The following CD274 variants were observed in gnomAD, a reference collection of about 807,000 sequenced individuals.
CD274 encodes the protein CD274 molecule.
A neutral mutation model predicts 30.1 loss-of-function variants in CD274; 8 were observed. That is an observed-to-expected ratio of 0.27 (90% CI 0.16 to 0.48). The LOEUF is 0.48. Among genes scored for constraint, CD274 ranks in the 20% least tolerant of loss-of-function variants. The pLI, the probability that CD274 is intolerant of heterozygous loss-of-function variation, is 0.99. For synonymous variants in CD274, 152 were observed against 124.6 expected, an observed-to-expected ratio of 1.22 and a Z score of -1.46; for missense variants, 353 against 346.6, an observed-to-expected ratio of 1.02 and a Z score of -0.15.
intron 3 of CD274, among the ~76,000 whole-genome samples, chr9:5,459,238 A>G (rs1268304566): frequency 6.6e-6 from 1 of 152,212 alleles, no homozygotes; most frequent in Admixed American, 6.5e-5. Flanking sequence ...TTTGTTTGAC[A>G]ATTCCATTTT....
chr9:5,468,567 C>T lies in CD274; in HGVS notation c.*705C>T. 1 of 233,002 alleles carries T rather than the reference C, an allele frequency of 4.3e-6. No individual in the cohort carries two copies. The highest frequency in any genetic ancestry group is 6.0e-5 in the East Asian group (1 of 16,558). 14.4% of individuals were successfully genotyped at this position (233,002 alleles called of 1,614,324 possible). A position where few individuals can be genotyped will look rare whatever the true frequency, so the allele number is the denominator to read the frequency against. ...CATAGGATGTCACCTTTATTTAACCCATTAATACTCTGGTTGACCTAATCT... is the reference window on the plus strand; with the variant it reads ...CATAGGATGTCACCTTTATTTAACCTATTAATACTCTGGTTGACCTAATCT... On this transcript the variant is annotated 3_prime_UTR_variant, in exon 7 of 7. Coordinates refer to ENST00000381577, the MANE Select transcript of CD274 (RefSeq NM_014143.4).
At chr9:5,457,570 T>G (rs989841193) in intron 3 of CD274, 150 bp downstream of exon 3, 19 of 674,556 alleles carry the variant, frequency 2.8e-5, no homozygotes, top group Non-Finnish European at 3.0e-5. Context: ...TTCATTCACA[T>G]AATTATCCAA....
chr9:5,466,879 G>A (rs2131233291), intron 6 of CD274, 50 bp downstream of exon 6: 1 of 1,352,948 alleles, frequency 7.4e-7, no homozygotes, highest in Non-Finnish European at 1.0e-6. Flanking sequence ...GAAACAAAAA[G>A]CTAAAGCAAT....
At chr9:5,455,024 A>G (rs1041123415) in intron 1 of CD274, among the ~76,000 whole-genome samples, 3 of 152,094 alleles carry the variant, frequency 2.0e-5, no homozygotes, top group African/African-American at 7.2e-5. Flanking sequence ...GTTAGGAGCT[A>G]TTTATATATT....
At chr9:5,462,550 G>A (rs1268036304) in intron 3 of CD274, among the ~76,000 whole-genome samples, 1 of 152,136 alleles carries the variant, frequency 6.6e-6, no homozygotes, top group Non-Finnish European at 1.5e-5. Context: ...GAAGTCTGGG[G>A]TTTTAGTGTA....
At chr9:5,452,322 A>T (rs1330288874) in intron 1 of CD274, among the ~76,000 whole-genome samples, 1 of 152,092 alleles carries the variant, frequency 6.6e-6, no homozygotes, top group Admixed American at 6.6e-5. Flanking sequence ...TGGCTGCTTA[A>T]CTTTTTCTCT....
At position 5,467,971 on chromosome 9, in the gene CD274, C is replaced by T. The variant is rs1819525387; in HGVS notation, c.*109C>T. On this transcript the variant is annotated 3_prime_UTR_variant, in exon 7 of 7. Coordinates refer to ENST00000381577, the MANE Select transcript of CD274 (RefSeq NM_014143.4). ...AAGGAATGGGCCCGTGGGATGCAGG[C>T]AATGTGGGACTTAAAAGGCCCAAGC... 1.1e-6 allele frequency: 1 copy of T among 913,242 alleles called. No individual in the cohort carries two copies. The highest frequency in any genetic ancestry group is 1.8e-6 in the Non-Finnish European group (1 of 553,702). The allele number at this position is 913,242 out of a possible 1,614,324, so 56.6% of individuals were successfully genotyped here.
intron 5 of CD274, chr9:5,465,824 G>A (rs984735829): frequency 2.7e-6 from 1 of 367,614 alleles, no homozygotes; most frequent in African/African-American, 2.1e-5. Flanking sequence ...GGTAGAAGAT[G>A]CAGTGTCATA....
chr9:5,465,005 T>G (rs1267762248), intron 4 of CD274, among the ~76,000 whole-genome samples: 1 of 150,892 alleles, frequency 6.6e-6, no homozygotes, highest in African/African-American at 2.4e-5. Flanking sequence ...AAGAATTGCT[T>G]GAACCTGGGA....
In CD274 at chr9:5,465,540, G is replaced by A. The variant is rs1373165399; in HGVS notation, c.724G>A (p.Val242Ile). 3 of 1,612,146 alleles carry A rather than the reference G, an allele frequency of 1.9e-6. No individual in the cohort carries two copies. Among genetic ancestry groups the A allele is most frequent in the African/African-American group, 2.7e-5 (2 of 74,862 alleles). The change falls in exon 5 of 7, where the codon GTA becomes ATA. Residue 242 changes from valine to isoleucine, a missense_variant. Val to Ile is a conservative substitution (Grantham distance 29). Transcript: ENST00000381577. ...TCCTCCAAATGAAAGGACTCACTTGGTAATTCTGGGAGCCATCTTATTATG... is the reference window on the plus strand; with the variant it reads ...TCCTCCAAATGAAAGGACTCACTTGATAATTCTGGGAGCCATCTTATTATG... Reference protein sequence around the residue: ...AHPPNERTHLVILGAILLCLG... With the variant: ...AHPPNERTHLIILGAILLCLG...
rs2131235939 is a variant in CD274, at chr9:5,467,929, C to T, written c.*67C>T. 7.3e-7 allele frequency: 1 copy of T among 1,372,298 alleles called. No homozygotes were observed. The highest frequency in any genetic ancestry group is 1.0e-6 in the Non-Finnish European group (1 of 959,822). 85.0% of individuals were successfully genotyped at this position (1,372,298 alleles called of 1,614,324 possible). ...CCTGTGGTTTAGGGGTTCATCGGGG[C>T]TGAGCGTGACAAGAGGAAGGAATGG... On this transcript the variant is annotated 3_prime_UTR_variant, in exon 7 of 7. Coordinates refer to ENST00000381577, the MANE Select transcript of CD274 (RefSeq NM_014143.4).
chr9:5,466,884 A>C, intron 6 of CD274, 55 bp downstream of exon 6: 1 of 1,310,598 alleles, frequency 7.6e-7, no homozygotes. Context: ...AAAAAGCTAA[A>C]GCAATAACAA....
chr9:5,453,142 A>G (rs898177827), intron 1 of CD274, among the ~76,000 whole-genome samples: 1 of 152,116 alleles, frequency 6.6e-6, no homozygotes, highest in South Asian at 2.1e-4. Flanking sequence ...TGCCATCGCT[A>G]TTCCACATCT....
chr9:5,469,288 A>G lies in CD274; in HGVS notation c.*1426A>G, dbSNP rs1471755885. ...ATTGTTTAACAGTTCTGTCTTTTCT[A>G]TTTAAATGCCACTAAATTTTAAATT... On this transcript the variant is annotated 3_prime_UTR_variant, in exon 7 of 7. Transcript: ENST00000381577. 3 of 232,714 alleles carry G rather than the reference A, an allele frequency of 1.3e-5. No homozygotes were observed. Among genetic ancestry groups the G allele is most frequent in the African/African-American group, 6.6e-5 (3 of 45,286 alleles). The allele number at this position is 232,714 out of a possible 1,614,324, so 14.4% of individuals were successfully genotyped here.
chr9:5,456,958 A>C (rs907476642), intron 2 of CD274, 121 bp from the exon 3 acceptor site: 1 of 664,994 alleles, frequency 1.5e-6, no homozygotes, highest in Non-Finnish European at 2.6e-6. Context: ...GTGTTTAGCA[A>C]GTTCTTAAAT....
chr9:5,468,248 C>G lies in CD274; in HGVS notation c.*386C>G. ...AAGTGCCCTTTGCCTCCACTCAATGCCTCAATTTGTTTTCTGCATGACTGA... is the reference window on the plus strand; with the variant it reads ...AAGTGCCCTTTGCCTCCACTCAATGGCTCAATTTGTTTTCTGCATGACTGA... On this transcript the variant is annotated 3_prime_UTR_variant, in exon 7 of 7. Coordinates refer to ENST00000381577, the MANE Select transcript of CD274 (RefSeq NM_014143.4). The G allele has an allele frequency of 3.4e-6, 1 of 291,064 alleles. No individual in the cohort carries two copies. The highest frequency in any genetic ancestry group is 4.9e-5 in the Admixed American group (1 of 20,532). 18.0% of individuals were successfully genotyped at this position (291,064 alleles called of 1,614,324 possible).
At chr9:5,457,733 T>C (rs17804441) in intron 3 of CD274, among the ~76,000 whole-genome samples, 33,043 of 152,186 alleles carry the variant, frequency 0.22, 3,802 homozygotes, top group East Asian at 0.32. Context: ...ATTCAGATAC[T>C]GTGGAAGAGA....
intron 1 of CD274, among the ~76,000 whole-genome samples, chr9:5,452,410 C>T (rs1284907507): frequency 6.6e-6 from 1 of 152,188 alleles, no homozygotes; most frequent in East Asian, 1.9e-4. Flanking sequence ...TGGGCTTCCC[C>T]CAGGGACAAA....
intron 6 of CD274, among the ~76,000 whole-genome samples, chr9:5,467,383 A>G (rs1194977302): frequency 1.3e-5 from 2 of 152,184 alleles, no homozygotes; most frequent in Non-Finnish European, 2.9e-5. Context: ...GCTTCAATCC[A>G]TTTTGCTACA....
Sources: gnomAD v4.1 joint callset for allele counts (sites outside exome capture counted in the v4.1 genomes callset) on GRCh38, gnomAD v4.1.1 for gene constraint, MANE v1.5 for transcripts, NCBI Gene and HGNC (gene_info 2026-07-23, HGNC 2026-07-21) for gene names.